KIAA1217: variants seen among roughly 807,000 people sequenced by gnomAD.
The protein encoded by KIAA1217 is sickle tail protein homolog.
Under a neutral mutation model 163.9 loss-of-function variants are expected in KIAA1217, and 88 were observed. The observed-to-expected ratio is 0.54, with a 90% CI of 0.45 to 0.64. KIAA1217 has a LOEUF of 0.64. Ranked by LOEUF, KIAA1217 falls within the 30% of genes least tolerant of loss-of-function variation. The pLI is 0.00. For missense variants in KIAA1217, 2,372 were observed against 2,475.0 expected, an observed-to-expected ratio of 0.96 and a Z score of 0.88; for synonymous variants, 903 against 923.1, an observed-to-expected ratio of 0.98 and a Z score of 0.39.
intron 1 of KIAA1217, among the ~76,000 whole-genome samples, chr10:23,835,746 T>A (rs932356943): frequency 1.3e-5 from 2 of 152,194 alleles, no homozygotes; most frequent in South Asian, 4.1e-4. Flanking sequence ...ATGATTTTTT[T>A]TTTCTATCCC....
At chr10:23,785,461 G>T (rs150363052) in intron 1 of KIAA1217, among the ~76,000 whole-genome samples, 2 of 152,192 alleles carry the variant, frequency 1.3e-5, no homozygotes, top group African/African-American at 4.8e-5. Flanking sequence ...ATTAGACTTT[G>T]GGCACTTTAT....
intron 2 of KIAA1217, among the ~76,000 whole-genome samples, chr10:24,015,688 G>C (rs1358110036): frequency 1.3e-5 from 2 of 150,854 alleles, no homozygotes; most frequent in Non-Finnish European, 2.9e-5. Flanking sequence ...CTAGGAGGCA[G>C]AGGTTGCAGT....
intron 2 of KIAA1217, among the ~76,000 whole-genome samples, chr10:24,244,658 G>A (rs1359868438): frequency 2.0e-5 from 3 of 149,886 alleles, no homozygotes; most frequent in Non-Finnish European, 4.4e-5. Context: ...TCCGCCTCCC[G>A]GATTCAAGTG....
rs571163146 is a variant in KIAA1217, at chr10:24,524,602, C to G, written c.2736C>G (p.His912Gln). 1.2e-6 allele frequency: 2 copies of G among 1,614,018 alleles called. No homozygotes were observed. Among genetic ancestry groups the G allele is most frequent in the South Asian group, 1.1e-5 (1 of 91,086 alleles). ...TGAACCCTGCTCAGAACTTGCCTCA[C>G]GTGGCCAGCTCCCCAGCCGTCCCCC... ...ALLNPAQNLP[H>Q]VASSPAVPQE... is the part of the protein sequence containing the mutation. The change falls in exon 13 of 21, where the codon CAC becomes CAG. Residue 912 changes from histidine (H) to glutamine (Q), a missense_variant. His to Gln is a conservative substitution (Grantham distance 24). This residue lies in a region of KIAA1217 where 1,431 missense variants were observed against 1,470.3 expected (regional missense o/e 0.97). Transcript: ENST00000376454.
At chr10:24,493,455 C>G (rs927972475) in intron 6 of KIAA1217, among the ~76,000 whole-genome samples, 8 of 152,254 alleles carry the variant, frequency 5.3e-5, no homozygotes, top group Non-Finnish European at 1.0e-4. Flanking sequence ...TGTGAAGCCT[C>G]TATTCACTTA....
chr10:24,173,166 G>A (rs1197464161), intron 2 of KIAA1217, among the ~76,000 whole-genome samples: 1 of 152,146 alleles, frequency 6.6e-6, no homozygotes, highest in Non-Finnish European at 1.5e-5. Context: ...TCTCATAGGA[G>A]TGTGAACCTG....
At chr10:23,862,762 A>T (rs1297847204) in intron 1 of KIAA1217, among the ~76,000 whole-genome samples, 1 of 151,916 alleles carries the variant, frequency 6.6e-6, no homozygotes, top group Non-Finnish European at 1.5e-5. Flanking sequence ...CAAGGTAAGG[A>T]TTTTATTTTG....
chr10:23,710,758 G>A (rs137856880), intron 1 of KIAA1217, among the ~76,000 whole-genome samples: 1 of 152,238 alleles, frequency 6.6e-6, no homozygotes, highest in African/African-American at 2.4e-5. Flanking sequence ...CTGAATTGCA[G>A]AATAGATACA....
chr10:24,009,614 G>A (rs1333888585), intron 2 of KIAA1217, among the ~76,000 whole-genome samples: 1 of 152,128 alleles, frequency 6.6e-6, no homozygotes, highest in Non-Finnish European at 1.5e-5. Context: ...AACCATGCAT[G>A]GGGTTGACCT....
chr10:23,871,626 C>T (rs1350193817), intron 1 of KIAA1217, among the ~76,000 whole-genome samples: 4 of 151,500 alleles, frequency 2.6e-5, no homozygotes, highest in African/African-American at 4.8e-5. Flanking sequence ...CCAAACATCT[C>T]CCCCTTCTAC....
At position 24,426,491 on chromosome 10, in the gene KIAA1217, G is replaced by C. The variant is rs146622454; in HGVS notation, c.554-6504G>C. 3.6e-3 allele frequency among the ~76,000 whole-genome samples: 542 copies of C among 152,184 alleles called. 1 individual carries two copies. The highest frequency in any genetic ancestry group is 4.9e-3 in the Non-Finnish European group (332 of 68,018). ...ATACAAAAATTAGCCGGACATGGGGGCATATACCTGTAGTCCCAGCTACTC... is the reference window on the plus strand; with the variant it reads ...ATACAAAAATTAGCCGGACATGGGGCCATATACCTGTAGTCCCAGCTACTC... On this transcript the variant is annotated intron_variant, in intron 3 of 20. Coordinates refer to ENST00000376454, the MANE Select transcript of KIAA1217 (RefSeq NM_019590.5).
At chr10:24,037,764 AC>A (rs1848458033) in intron 2 of KIAA1217, among the ~76,000 whole-genome samples, 1 of 152,240 alleles carries the variant, frequency 6.6e-6, no homozygotes, top group African/African-American at 2.4e-5. Context: ...CACAATTCAA[AC>A]AATATCATTG....
chr10:23,903,375 C>A (rs748937518), intron 1 of KIAA1217, among the ~76,000 whole-genome samples: 1 of 151,962 alleles, frequency 6.6e-6, no homozygotes, highest in Non-Finnish European at 1.5e-5. Flanking sequence ...ATAACAAAGA[C>A]AAATTAACAA....
rs190405889 is a variant in KIAA1217, at chr10:24,195,812, G to T, written c.-170-23814G>T. On this transcript the variant is annotated intron_variant, in intron 2 of 18. Transcript: ENST00000376462. ...TTGTTAGTTTTTACAAAGAACTAGG[G>T]CTTTGCTGATTATGTCATTGAAAAA... Among the ~76,000 whole-genome samples, 45 of 152,294 alleles carry T rather than the reference G, an allele frequency of 3.0e-4. No individual in the cohort carries two copies. The Middle Eastern group carries it at 0.017, about 58-fold the overall frequency.
chr10:24,501,804 AG>A (rs1406213061), intron 9 of KIAA1217, among the ~76,000 whole-genome samples: 2 of 120,824 alleles, frequency 1.7e-5, no homozygotes, highest in Non-Finnish European at 3.2e-5. Context: ...GCTGGAGTGC[AG>A]TGGCGCGATC....
Position 24,140,566 on chromosome 10 carries a change from C to T in KIAA1217, c.-170-79060C>T, listed in dbSNP as rs141997288. On this transcript the variant is annotated intron_variant, in intron 2 of 18. Coordinates refer to the KIAA1217 transcript ENST00000376462. ...GGTAACTTAGGGTAGATCCTCTGGACAAAGGGATGATTCTTGTCCTGGGTG... is the reference window on the plus strand; with the variant it reads ...GGTAACTTAGGGTAGATCCTCTGGATAAAGGGATGATTCTTGTCCTGGGTG... Among the ~76,000 whole-genome samples, 172 of 152,162 alleles carry T rather than the reference C, an allele frequency of 1.1e-3. 1 individual carries two copies. Among genetic ancestry groups the T allele is most frequent in the African/African-American group, 4.0e-3 (168 of 41,524 alleles).
chr10:23,822,981 C>T, intron 1 of KIAA1217, among the ~76,000 whole-genome samples: 1 of 152,052 alleles, frequency 6.6e-6, no homozygotes, highest in Admixed American at 6.5e-5. Context: ...CCTATGTGTC[C>T]CCAAATTAAG....
intron 2 of KIAA1217, among the ~76,000 whole-genome samples, chr10:24,294,160 C>T (rs575438369): frequency 8.6e-6 from 1 of 116,726 alleles, no homozygotes; most frequent in South Asian, 2.7e-4. Context: ...TGCACTCCAG[C>T]CTGGGTGACA....
At chr10:24,109,455 AT>A in intron 2 of KIAA1217, among the ~76,000 whole-genome samples, 1 of 152,078 alleles carries the variant, frequency 6.6e-6, no homozygotes, top group South Asian at 2.1e-4. Flanking sequence ...TAGATTTATG[AT>A]CTTTGTACGG....
Sources: allele counts gnomAD v4.1 joint callset (sites outside exome capture counted in the v4.1 genomes callset), GRCh38; gene constraint gnomAD v4.1.1; regional missense constraint gnomAD v4.1.1; transcripts MANE v1.5; gene names NCBI Gene and HGNC (gene_info 2026-07-23, HGNC 2026-07-21).